The following DDX60 variants were observed in gnomAD, a reference collection of about 807,000 sequenced individuals.
The protein encoded by DDX60 is DExD/H-box helicase 60.
DDX60 carries 165 observed loss-of-function variants against 212.8 expected under a neutral mutation model. The ratio of observed to expected loss-of-function variants is 0.78; its 90% CI spans 0.68 to 0.88. The LOEUF (loss-of-function observed/expected upper bound fraction) is 0.88. Among genes scored for constraint, DDX60 ranks in the 40% least tolerant of loss-of-function variants. The pLI is 0.00. For missense variants in DDX60, 1,905 were observed against 2,003.9 expected (o/e 0.95, Z 0.94); for synonymous variants, 703 against 685.3 (o/e 1.03, Z -0.40).
At chr4:168,307,252 T>C (rs1736924644) in intron 4 of DDX60, among the ~76,000 whole-genome samples, 1 of 152,118 alleles carries the variant, frequency 6.6e-6, no homozygotes, top group Admixed American at 6.5e-5. Context: ...GTAACAATAA[T>C]TGAGACTGCA....
chr4:168,237,276 T>G lies in DDX60; in HGVS notation c.4411+10A>C. ...TCTCTCTACATATATATATAAAATC[T>G]CAAGCTTACCTTTCCTGGTTGGCTG... On this transcript the variant is annotated intron_variant, in intron 32 of 37. Transcript: ENST00000393743. 1 of 1,512,146 alleles carries G rather than the reference T, an allele frequency of 6.6e-7. No individual in the cohort carries two copies. The highest frequency in any genetic ancestry group is 8.9e-7 in the Non-Finnish European group (1 of 1,129,816). 93.7% of individuals were successfully genotyped at this position (1,512,146 alleles called of 1,614,324 possible).
At chr4:168,223,502 T>C (rs565855630) in intron 35 of DDX60, among the ~76,000 whole-genome samples, 127 of 152,126 alleles carry the variant, frequency 8.3e-4, no homozygotes, top group African/African-American at 3.0e-3. Context: ...TTACTGACTA[T>C]GGGTATGAAA....
chr4:168,312,741 G>GATAGATAGATAGATAGATAA (rs1737194451), intron 1 of DDX60, among the ~76,000 whole-genome samples: 1 of 152,088 alleles, frequency 6.6e-6, no homozygotes, highest in African/African-American at 2.4e-5. Flanking sequence ...TAGATAGATA[G>GATAGATAGATAGATAGATAA]ATAGATATGA....
At position 168,237,810 on chromosome 4, in the gene DDX60, G is replaced by C; in HGVS notation, c.4165-15C>G. On this transcript the variant is annotated splice_polypyrimidine_tract_variant and intron_variant, in intron 30 of 37. Transcript: ENST00000393743. ...ACTGATAGCACCTTTAAAGAAAAGA[G>C]TATTTTTAGACACACAATGTTAAGT... The C allele has an allele frequency of 1.3e-6, 2 of 1,571,610 alleles. No individual in the cohort carries two copies. Among genetic ancestry groups the C allele is most frequent in the Non-Finnish European group, 1.7e-6 (2 of 1,152,604 alleles).
At chr4:168,275,273 C>T in intron 16 of DDX60, 72 bp downstream of exon 16, 1 of 1,343,564 alleles carries the variant, frequency 7.4e-7, no homozygotes, top group South Asian at 1.7e-5. Context: ...TGTACAGCCA[C>T]AATAATGAGA....
At chr4:168,293,094 T>A (rs146560422) in intron 7 of DDX60, among the ~76,000 whole-genome samples, 2,659 of 152,258 alleles carry the variant, frequency 0.017, 39 homozygotes, top group Middle Eastern at 0.044. Context: ...TGCGTCTGAG[T>A]GTGTAAGTGT....
At chr4:168,303,302 C>CAA (rs35768208) in intron 5 of DDX60, among the ~76,000 whole-genome samples, 1,267 of 99,748 alleles carry the variant, frequency 0.013, 25 homozygotes, top group African/African-American at 0.039. Context: ...ACTCTGTCTC[C>CAA]AAAAAAAAAA....
At chr4:168,323,587 T>G (rs1579101393), upstream of DDX60, among the ~76,000 whole-genome samples, 1 of 152,334 alleles carries the variant, frequency 6.6e-6, no homozygotes, top group Non-Finnish European at 1.5e-5. Flanking sequence ...AATGCACCTT[T>G]CTCACATTCA....
Position 168,275,457 on chromosome 4 carries a change from A to G in DDX60, c.2192T>C (p.Val731Ala), listed in dbSNP as rs140867425. The G allele has an allele frequency of 1.9e-6, 3 of 1,611,264 alleles. No homozygotes were observed. Among genetic ancestry groups the G allele is most frequent in the Middle Eastern group, 1.6e-4 (1 of 6,080 alleles). Reference protein sequence around the residue: ...VKVKKRNKYSVGIGPARFQLQ... With the variant: ...VKVKKRNKYSAGIGPARFQLQ... ...TTGGAACCGAGCTGGCCCAATGCCA[A>G]CTGAATATTTATTCCTTTTCTTCAC... The change falls in exon 16 of 38, where the codon GTT becomes GCT. Residue 731 changes from valine (V) to alanine (A), a missense_variant. Val to Ala is a moderately conservative substitution (Grantham distance 64). Coordinates refer to ENST00000393743, the MANE Select transcript of DDX60 (RefSeq NM_017631.6).
In DDX60 at chr4:168,267,970, C is replaced by G. The variant is rs1352577039; in HGVS notation, c.2800G>C (p.Val934Leu). The change falls in exon 21 of 38, where the codon GTA becomes CTA. Residue 934 changes from valine to leucine, a missense_variant. By Grantham distance (32) the Val-to-Leu change is conservative. Transcript: ENST00000393743. ...TCTTCTTGTTTCCAGTACCATTTTA[C>G]CGATTGTAGCCACCTTAAAAAATAA... ...PEHLTEWLQS[V>L]KWYWKQEDKI... 6.2e-7 allele frequency: 1 copy of G among 1,608,264 alleles called. No homozygotes were observed. Among genetic ancestry groups the G allele is most frequent in the Non-Finnish European group, 8.5e-7 (1 of 1,177,544 alleles).
At chr4:168,246,769 G>T in intron 29 of DDX60, 151 bp from the exon 30 acceptor site, 2 of 779,612 alleles carry the variant, frequency 2.6e-6, no homozygotes, top group Non-Finnish European at 4.1e-6. Context: ...ACTACATAGT[G>T]CTTAGGAAAT....
Position 168,255,752 on chromosome 4 carries a change from T to G in DDX60, c.3516A>C (p.Lys1172Asn), listed in dbSNP as rs1297682092. The stretch of plus-strand genomic sequence containing the variant: ...CTATGGATTTTTTAACTTTTCGAAG[T>G]TTGTTAGCCATGACATGGGCTTCTT... ...ADKEAHVMAN[K>N]LRKVKKSIEK... The change falls in exon 26 of 38, where the codon AAA becomes AAC. Residue 1172 changes from lysine to asparagine, a missense_variant. By Grantham distance (94) the Lys-to-Asn change is moderately conservative. Coordinates refer to ENST00000393743, the MANE Select transcript of DDX60 (RefSeq NM_017631.6). 1.3e-6 allele frequency: 2 copies of G among 1,592,610 alleles called. No homozygotes were observed. Among genetic ancestry groups the G allele is most frequent in the Non-Finnish European group, 1.7e-6 (2 of 1,174,628 alleles).
intron 28 of DDX60, among the ~76,000 whole-genome samples, chr4:168,250,510 C>T (rs1734178471): frequency 6.7e-6 from 1 of 149,860 alleles, no homozygotes; most frequent in African/African-American, 2.5e-5. Flanking sequence ...TTAAATAAGA[C>T]AGAGGATATC....
intron 31 of DDX60, 57 bp from the exon 32 acceptor site, chr4:168,237,484 T>G: frequency 6.8e-7 from 1 of 1,471,116 alleles, no homozygotes; most frequent in South Asian, 1.5e-5. Flanking sequence ...AATAAGTAAC[T>G]TATTAAGTAC....
chr4:168,313,505 C>T (rs1737232155), intron 1 of DDX60, among the ~76,000 whole-genome samples: 1 of 152,162 alleles, frequency 6.6e-6, no homozygotes, highest in Non-Finnish European at 1.5e-5. Context: ...CAATCCTCCA[C>T]CTCACTAACT....
At chr4:168,285,920 G>A (rs1041958210) in intron 10 of DDX60, among the ~76,000 whole-genome samples, 10 of 136,092 alleles carry the variant, frequency 7.3e-5, no homozygotes, top group Non-Finnish European at 1.4e-4. Context: ...AGGAAGGAAG[G>A]AAGGAAGGAA....
chr4:168,310,949 G>C (rs1318696195), intron 3 of DDX60, 49 bp downstream of exon 3: 1 of 1,133,086 alleles, frequency 8.8e-7, no homozygotes, highest in Non-Finnish European at 1.3e-6. Flanking sequence ...TAGACATACA[G>C]GGAACATGAG....
intron 30 of DDX60, among the ~76,000 whole-genome samples, chr4:168,239,639 A>T (rs1733768996): frequency 6.6e-6 from 1 of 152,074 alleles, no homozygotes; most frequent in Non-Finnish European, 1.5e-5. Context: ...TAATGTGGTA[A>T]GAGAGTGAGG....
At chr4:168,233,120 A>G (rs757152515) in intron 33 of DDX60, among the ~76,000 whole-genome samples, 2 of 152,150 alleles carry the variant, frequency 1.3e-5, no homozygotes, top group Non-Finnish European at 2.9e-5. Context: ...GCTTAACATT[A>G]CTAATTATCA....
Sources: allele counts gnomAD v4.1 joint callset (sites outside exome capture counted in the v4.1 genomes callset), GRCh38; gene constraint gnomAD v4.1.1; transcripts MANE v1.5; gene names NCBI Gene and HGNC (gene_info 2026-07-23, HGNC 2026-07-21).